The following FGF10 variants were observed in gnomAD, a reference collection of about 807,000 sequenced individuals.
FGF10 encodes FGF-10.
In FGF10, 2 loss-of-function variants were observed where a neutral mutation model predicts 19.8. That is an observed-to-expected ratio of 0.10 (90% confidence interval 0.04 to 0.32). The LOEUF (loss-of-function observed/expected upper bound fraction) is 0.32, where lower values mean the gene tolerates loss of function less well. Ranked by LOEUF, FGF10 falls within the 10% of genes least tolerant of loss-of-function variation. The pLI, the probability that FGF10 is intolerant of heterozygous loss-of-function variation, is 1.00. For synonymous variants in FGF10, 112 were observed against 94.0 expected, an observed-to-expected ratio of 1.19 and a Z score of -1.10; for missense variants, 191 against 246.3, an observed-to-expected ratio of 0.78 and a Z score of 1.50.
In FGF10 at chr5:44,359,022, T is replaced by G. The variant is rs1342025763; in HGVS notation, c.325+29336A>C. Among the ~76,000 whole-genome samples the G allele has an allele frequency of 2.0e-5, 3 of 151,558 alleles. No homozygotes were observed. The Admixed American group carries it at 2.0e-4, about 10-fold the overall frequency. ...TCTATGTGATGCAATACATATACGCTTATCCTTGGCATACACAATGGCTCA... is the reference window on the plus strand; with the variant it reads ...TCTATGTGATGCAATACATATACGCGTATCCTTGGCATACACAATGGCTCA... On this transcript the variant is annotated intron_variant, in intron 1 of 2. Coordinates refer to ENST00000264664, the MANE Select transcript of FGF10 (RefSeq NM_004465.2).
At chr5:44,360,520 C>T (rs1579931929) in intron 1 of FGF10, among the ~76,000 whole-genome samples, 1 of 151,730 alleles carries the variant, frequency 6.6e-6, no homozygotes, top group Middle Eastern at 3.4e-3. Context: ...CCTGCAGCCA[C>T]TTCTCTAGAC....
intron 1 of FGF10, among the ~76,000 whole-genome samples, chr5:44,334,765 TG>T (rs1740809113): frequency 6.6e-6 from 1 of 152,130 alleles, no homozygotes; most frequent in African/African-American, 2.4e-5. Flanking sequence ...CCACCTGATA[TG>T]GTAATGCCTA....
intron 1 of FGF10, among the ~76,000 whole-genome samples, chr5:44,375,764 C>A (rs1372073387): frequency 6.6e-6 from 1 of 151,930 alleles, no homozygotes; most frequent in Non-Finnish European, 1.5e-5. Flanking sequence ...AATGCCAGAA[C>A]AAGAGACATT....
chr5:44,330,944 C>A lies in FGF10; in HGVS notation c.326-20414G>T, dbSNP rs568725919. 1.2e-4 allele frequency among the ~76,000 whole-genome samples: 18 copies of A among 152,206 alleles called. No individual in the cohort carries two copies. In the East Asian group the frequency reaches 3.3e-3, roughly 28 times the overall value. On this transcript the variant is annotated intron_variant, in intron 1 of 2. Transcript: ENST00000264664. ...GACGTTTTCTTCAGACTTTGTCTCA[C>A]AAACAGTAATTTGCATTCATATTCT...
intron 1 of FGF10, among the ~76,000 whole-genome samples, chr5:44,379,461 A>G (rs1285094698): frequency 6.6e-6 from 1 of 151,996 alleles, no homozygotes; most frequent in African/African-American, 2.4e-5. Context: ...AAAGTTATCA[A>G]CTCTTACCTC....
Position 44,388,606 on chromosome 5 carries a change from A to C in FGF10, c.77T>G (p.Leu26Trp). ...AGGGACGGAAGACACCAAGAACAGC[A>C]ACAAAAAGCAGCAGCAGCAGCAGCC... Reference protein sequence around the residue: ...LPGCCCCCFLLLFLVSSVPVT... With the variant: ...LPGCCCCCFLWLFLVSSVPVT... The change falls in exon 1 of 3, where the codon TTG becomes TGG. Residue 26 changes from leucine to tryptophan, a missense_variant. Physicochemically the swap from Leu to Trp is moderately conservative, Grantham distance 61. Transcript: ENST00000264664. 6.2e-7 allele frequency: 1 copy of C among 1,614,152 alleles called. No homozygotes were observed. Among genetic ancestry groups the C allele is most frequent in the Middle Eastern group, 1.6e-4 (1 of 6,062 alleles).
chr5:44,348,732 G>T (rs572091118), intron 1 of FGF10, among the ~76,000 whole-genome samples: 17 of 151,594 alleles, frequency 1.1e-4, no homozygotes, highest in Admixed American at 4.0e-4. Context: ...TTTATAAAAA[G>T]AATCTGTTAT....
At chr5:44,345,247 GA>G (rs1561208704) in intron 1 of FGF10, among the ~76,000 whole-genome samples, 1 of 151,708 alleles carries the variant, frequency 6.6e-6, no homozygotes, top group East Asian at 1.9e-4. Flanking sequence ...AATGAATATA[GA>G]ATGAGAAAAT....
chr5:44,363,947 C>T (rs1400478619), intron 1 of FGF10, among the ~76,000 whole-genome samples: 1 of 151,692 alleles, frequency 6.6e-6, no homozygotes, highest in African/African-American at 2.4e-5. Flanking sequence ...TGGTAATAAA[C>T]AAGACTTCCT....
chr5:44,373,878 C>T (rs561948656), intron 1 of FGF10, among the ~76,000 whole-genome samples: 8 of 152,252 alleles, frequency 5.3e-5, no homozygotes, highest in Middle Eastern at 3.4e-3. Flanking sequence ...CCACTGTCCA[C>T]GTCCCAAGCC....
chr5:44,368,978 A>C lies in FGF10; in HGVS notation c.325+19380T>G, dbSNP rs79380740. On this transcript the variant is annotated intron_variant, in intron 1 of 2. Coordinates refer to ENST00000264664, the MANE Select transcript of FGF10 (RefSeq NM_004465.2). ...CCACTGCTTCCAGCCCATGTGGTCA[A>C]TTCTTTATTAATATTTTCATATTCA... 8.7e-3 allele frequency among the ~76,000 whole-genome samples: 1,320 copies of C among 152,212 alleles called. 19 individuals carry two copies. Among genetic ancestry groups the C allele is most frequent in the African/African-American group, 0.029 (1,191 of 41,542 alleles).
At chr5:44,387,321 A>G (rs1393506729) in intron 1 of FGF10, among the ~76,000 whole-genome samples, 1 of 152,194 alleles carries the variant, frequency 6.6e-6, no homozygotes, top group Non-Finnish European at 1.5e-5. Context: ...CCCTGCAAGA[A>G]AGAAAGAAGG....
rs545997549 is a variant in FGF10 at position 44,373,155 on chromosome 5, G to A, written c.325+15203C>T. ...GTGGTCCTCCCATGTATGTCACAGG[G>A]ATTCATGCCATGAGAGGGTTCTCTA... On this transcript the variant is annotated intron_variant, in intron 1 of 2. Coordinates refer to ENST00000264664, the MANE Select transcript of FGF10 (RefSeq NM_004465.2). Among the ~76,000 whole-genome samples, 179 of 152,244 alleles carry A rather than the reference G, an allele frequency of 1.2e-3. 1 individual carries two copies. Among genetic ancestry groups the A allele is most frequent in the African/African-American group, 4.2e-3 (175 of 41,534 alleles).
At chr5:44,379,493 G>A (rs189889805) in intron 1 of FGF10, among the ~76,000 whole-genome samples, 4 of 152,234 alleles carry the variant, frequency 2.6e-5, no homozygotes, top group African/African-American at 9.6e-5. Flanking sequence ...ACAGGTCTGC[G>A]GCTTCAAAGC....
At position 44,302,118 on chromosome 5, in the gene FGF10, C is replaced by CT. The variant is rs560428929; in HGVS notation, c.*2876dup. ...TCTACAACATTCAGGGCTGAAACTG[C>CT]TTTTTTTTTTCTTCAGTAGTTGCAA... On this transcript the variant is annotated 3_prime_UTR_variant, in exon 3 of 3. Transcript: ENST00000264664. Among the ~76,000 whole-genome samples, 86 of 147,168 alleles carry CT rather than the reference C, an allele frequency of 5.8e-4. 2 individuals carry two copies. In the South Asian group the frequency reaches 0.015, roughly 26 times the overall value.
At chr5:44,366,389 A>T (rs1411227563) in intron 1 of FGF10, among the ~76,000 whole-genome samples, 2 of 151,886 alleles carry the variant, frequency 1.3e-5, no homozygotes, top group Non-Finnish European at 2.9e-5. Context: ...GAAATAACTC[A>T]GACATGGCAA....
At chr5:44,345,062 T>C (rs1451697297) in intron 1 of FGF10, among the ~76,000 whole-genome samples, 1 of 151,914 alleles carries the variant, frequency 6.6e-6, no homozygotes. Context: ...ATATACACTA[T>C]TTTCAAATAT....
intron 1 of FGF10, among the ~76,000 whole-genome samples, chr5:44,346,922 G>A (rs1337987217): frequency 2.0e-5 from 3 of 151,604 alleles, no homozygotes; most frequent in East Asian, 1.9e-4. Flanking sequence ...TGCAGTTCTA[G>A]CACAGCATCT....
chr5:44,305,431 C>T (rs1284507106), intron 2 of FGF10, among the ~76,000 whole-genome samples: 1 of 152,012 alleles, frequency 6.6e-6, no homozygotes, highest in Non-Finnish European at 1.5e-5. Context: ...TTTTGAAAGC[C>T]CTTTTAAAAA....
Sources: gnomAD v4.1 joint callset for allele counts (sites outside exome capture counted in the v4.1 genomes callset) on GRCh38, gnomAD v4.1.1 for gene constraint, MANE v1.5 for transcripts, NCBI Gene and HGNC (gene_info 2026-07-23, HGNC 2026-07-21) for gene names.